WDR36: variants seen among roughly 807,000 people sequenced by gnomAD.
WDR36 encodes WD repeat-containing protein 36.
WDR36 carries 63 observed loss-of-function variants against 112.7 expected under a neutral mutation model. The observed-to-expected ratio is 0.56, with a 90% confidence interval of 0.46 to 0.69. The LOEUF (loss-of-function observed/expected upper bound fraction) is 0.69, where lower values mean the gene tolerates loss of function less well. WDR36 is among the 30% of genes least tolerant of loss of function. WDR36 has a pLI of 0.00. For synonymous variants in WDR36, 410 were observed against 362.2 expected (o/e 1.13, Z -1.50); for missense variants, 1,226 against 1,070.3 (o/e 1.15, Z -2.03).
chr5:111,098,448 C>T (rs1753039732), intron 3 of WDR36, among the ~76,000 whole-genome samples: 1 of 152,166 alleles, frequency 6.6e-6, no homozygotes, highest in South Asian at 2.1e-4. Context: ...CATGCCTCCT[C>T]TCTAACCCAA....
chr5:111,125,869 A>C, intron 22 of WDR36, 74 bp downstream of exon 22: 1 of 1,505,144 alleles, frequency 6.6e-7, no homozygotes, highest in Non-Finnish European at 9.2e-7. Flanking sequence ...AACTTTCTGC[A>C]AAGATGGGTA....
intron 13 of WDR36, 89 bp from the exon 14 acceptor site, chr5:111,110,699 T>A: frequency 7.2e-7 from 1 of 1,390,020 alleles, no homozygotes; most frequent in Non-Finnish European, 1.0e-6. Context: ...GCACCTTACA[T>A]ATTTGAATGA....
At position 111,106,233 on chromosome 5, in the gene WDR36, T is replaced by C. The variant is rs1464339312; in HGVS notation, c.1180+90T>C. On this transcript the variant is annotated intron_variant, in intron 11 of 22. Transcript: ENST00000513710. The stretch of plus-strand genomic sequence containing the variant: ...TTTTATTTTCTGTTTTAATAAATGC[T>C]TTTACAAATATTAATAAGCATTCAG... 3.3e-6 allele frequency: 4 copies of C among 1,203,562 alleles called. No homozygotes were observed. The South Asian group carries it at 5.0e-5, about 15-fold the overall frequency. The allele number at this position is 1,203,562 out of a possible 1,614,324, so 74.6% of individuals were successfully genotyped here.
chr5:111,119,490 A>G (rs1753522460), intron 17 of WDR36, among the ~76,000 whole-genome samples: 1 of 152,154 alleles, frequency 6.6e-6, no homozygotes, highest in African/African-American at 2.4e-5. Context: ...ACTTCAGCCT[A>G]GTTTGTATAT....
At chr5:111,113,225 C>A in intron 16 of WDR36, 72 bp downstream of exon 16, 1 of 914,344 alleles carries the variant, frequency 1.1e-6, no homozygotes. Flanking sequence ...TGACTTTTAC[C>A]GATAGTTAAT....
In WDR36 at chr5:111,113,066, A is replaced by C; in HGVS notation, c.1717-8A>C. 1 of 1,123,716 alleles carries C rather than the reference A, an allele frequency of 8.9e-7. No individual in the cohort carries two copies. The highest frequency in any genetic ancestry group is 1.1e-6 in the Non-Finnish European group (1 of 883,562). 69.6% of individuals were successfully genotyped at this position (1,123,716 alleles called of 1,614,324 possible). A position where few individuals can be genotyped will look rare whatever the true frequency, so the allele number is the denominator to read the frequency against. ...TATATATATATATTTTTTTTTTTTAATTTAAAGGCTTTTAGTCCTGATGGT... is the reference window on the plus strand; with the variant it reads ...TATATATATATATTTTTTTTTTTTACTTTAAAGGCTTTTAGTCCTGATGGT... On this transcript the variant is annotated splice_polypyrimidine_tract_variant and splice_region_variant and intron_variant, in intron 15 of 22. Coordinates refer to ENST00000513710, the MANE Select transcript of WDR36 (RefSeq NM_139281.3).
At chr5:111,119,978 G>A (rs1404359488) in intron 17 of WDR36, among the ~76,000 whole-genome samples, 1 of 151,958 alleles carries the variant, frequency 6.6e-6, no homozygotes, top group Non-Finnish European at 1.5e-5. Flanking sequence ...TAAGGTGTGG[G>A]AAAAAGAACC....
chr5:111,116,770 A>G (rs1753464707), intron 16 of WDR36, among the ~76,000 whole-genome samples: 2 of 152,310 alleles, frequency 1.3e-5, no homozygotes, highest in African/African-American at 2.4e-5. Context: ...TGGAAGTCCC[A>G]TCTACCCACA....
chr5:111,108,991 A>G (rs142621247), intron 12 of WDR36, among the ~76,000 whole-genome samples: 69 of 151,504 alleles, frequency 4.6e-4, no homozygotes, highest in African/African-American at 1.6e-3. Flanking sequence ...CCTGTGCACT[A>G]AAGTACAATT....
intron 16 of WDR36, among the ~76,000 whole-genome samples, chr5:111,116,956 A>G (rs1297858176): frequency 6.6e-6 from 1 of 152,204 alleles, no homozygotes; most frequent in Non-Finnish European, 1.5e-5. Context: ...CAAAGGAAAT[A>G]CCTTAAGATT....
At chr5:111,098,038 G>A (rs1163154369) in intron 3 of WDR36, among the ~76,000 whole-genome samples, 1 of 152,168 alleles carries the variant, frequency 6.6e-6, no homozygotes, top group Non-Finnish European at 1.5e-5. Flanking sequence ...ACCTATATGT[G>A]GTTCAGATGT....
chr5:111,096,497 A>G (rs1752983336), intron 2 of WDR36, among the ~76,000 whole-genome samples: 1 of 152,176 alleles, frequency 6.6e-6, no homozygotes, highest in Non-Finnish European at 1.5e-5. Flanking sequence ...TGAGGTCAGG[A>G]GTTCAAGACC....
At position 111,104,361 on chromosome 5, in the gene WDR36, A is replaced by T. The variant is rs200187679; in HGVS notation, c.906+9A>T. On this transcript the variant is annotated intron_variant, in intron 8 of 22. Coordinates refer to ENST00000513710, the MANE Select transcript of WDR36 (RefSeq NM_139281.3). Reference sequence around the variant, plus strand: ...CTGACAATGCTCTTAGGGTATTATGATTATTGTTAACATCTTCCTGGCTCA... The same window carrying T: ...CTGACAATGCTCTTAGGGTATTATGTTTATTGTTAACATCTTCCTGGCTCA... 35 of 1,611,600 alleles carry T rather than the reference A, an allele frequency of 2.2e-5. No individual in the cohort carries two copies. The African/African-American group carries it at 3.6e-4, about 17-fold the overall frequency.
rs780514137 is a variant in WDR36 at position 111,110,226 on chromosome 5, T to C, written c.1364T>C (p.Ile455Thr). ...ACTTCTTGTGGAAACTTTGCTGTAA[T>C]TGGCCTCTCATCAGGAACTGTAGAT... is the stretch of plus-strand genomic sequence containing the variant. ...DITSCGNFAVIGLSSGTVDVY... is the reference protein window; with the variant it reads ...DITSCGNFAVTGLSSGTVDVY... Residue 455 changes from isoleucine (I) to threonine (T), a missense_variant, in exon 13 of 23, where the codon ATT (isoleucine) becomes ACT (threonine). By Grantham distance (89) the Ile-to-Thr change is moderately conservative (BLOSUM62 -1). Coordinates refer to ENST00000513710, the MANE Select transcript of WDR36 (RefSeq NM_139281.3). The C allele has an allele frequency of 3.1e-6, 5 of 1,611,010 alleles. No homozygotes were observed. Among genetic ancestry groups the C allele is most frequent in the South Asian group, 1.1e-5 (1 of 91,016 alleles).
At chr5:111,109,412 A>C (rs550314644) in intron 12 of WDR36, among the ~76,000 whole-genome samples, 1 of 151,324 alleles carries the variant, frequency 6.6e-6, no homozygotes, top group African/African-American at 2.4e-5. Flanking sequence ...TGTCGTGACA[A>C]AGTGGTATGT....
rs1753205929 is a variant in WDR36 at position 111,105,470 on chromosome 5, C to CTA, written c.1093+111_1093+112dup. ...TGCATTTTATTTTTTCTTGGATGAA[C>CTA]TAGATAAACATGTATGGAAGAGGTA... On this transcript the variant is annotated intron_variant, in intron 10 of 22. Transcript: ENST00000513710. 4 of 1,000,574 alleles carry CTA rather than the reference C, an allele frequency of 4.0e-6. No homozygotes were observed. In the East Asian group the frequency reaches 1.0e-4, roughly 26 times the overall value. The allele number at this position is 1,000,574 out of a possible 1,614,324, so 62.0% of individuals were successfully genotyped here. A position where few individuals can be genotyped will look rare whatever the true frequency, so the allele number is the denominator to read the frequency against.
rs548774300 is a variant in WDR36 at position 111,099,202 on chromosome 5, T to C, written c.409+363T>C. Among the ~76,000 whole-genome samples, 27 of 152,228 alleles carry C rather than the reference T, an allele frequency of 1.8e-4. 1 individual carries two copies. In the East Asian group the frequency reaches 5.0e-3, roughly 28 times the overall value. Reference sequence around the variant, plus strand: ...CTTTTAGTAAAGGAGACTGTAATAGTAAACTTGATCTTGTAATCTGAAGGA... The same window carrying C: ...CTTTTAGTAAAGGAGACTGTAATAGCAAACTTGATCTTGTAATCTGAAGGA... On this transcript the variant is annotated intron_variant, in intron 4 of 22. Transcript: ENST00000513710.
chr5:111,102,393 T>G lies in WDR36; in HGVS notation c.591T>G (p.Leu197=). The change falls in exon 6 of 23, where the codon CTT becomes CTG. Residue 197 remains leucine, a synonymous_variant. Coordinates refer to ENST00000513710, the MANE Select transcript of WDR36 (RefSeq NM_139281.3). ...GATGGAAAGTTGGAGTGACAGCTCTTCAGCAGGTTAGTATTTTTCTGTTAA... is the reference window on the plus strand; with the variant it reads ...GATGGAAAGTTGGAGTGACAGCTCTGCAGCAGGTTAGTATTTTTCTGTTAA... ...FPGWKVGVTA[L]QQAPAVDVVA... is the part of the protein sequence containing the mutation. 6.2e-7 allele frequency: 1 copy of G among 1,610,650 alleles called. No individual in the cohort carries two copies. Among genetic ancestry groups the G allele is most frequent in the Non-Finnish European group, 8.5e-7 (1 of 1,177,694 alleles).
At chr5:111,096,017 A>G (rs1190417686) in intron 2 of WDR36, among the ~76,000 whole-genome samples, 5 of 152,200 alleles carry the variant, frequency 3.3e-5, no homozygotes, top group African/African-American at 9.6e-5. Flanking sequence ...GGCAGAAGAA[A>G]GGCATTGGAA....
Sources: gnomAD v4.1 joint callset for allele counts (sites outside exome capture counted in the v4.1 genomes callset) on GRCh38, gnomAD v4.1.1 for gene constraint, MANE v1.5 for transcripts, NCBI Gene and HGNC (gene_info 2026-07-23, HGNC 2026-07-21) for gene names.